Variants in ZNF23 observed in about 807,000 individuals in gnomAD.
The protein encoded by ZNF23 is kruppel-like zinc finger factor X31.
Under a neutral mutation model 56.2 loss-of-function variants are expected in ZNF23, and 48 were observed. That is an observed-to-expected ratio of 0.85 (90% CI 0.68 to 1.09). ZNF23 has a LOEUF of 1.09. Ranked by LOEUF, ZNF23 falls within the 50% of genes least tolerant of loss-of-function variation. The pLI, the probability that ZNF23 is intolerant of heterozygous loss-of-function variation, is 0.00. For missense variants in ZNF23, 805 were observed against 811.4 expected, an observed-to-expected ratio of 0.99 and a Z score of 0.10; for synonymous variants, 266 against 283.3, an observed-to-expected ratio of 0.94 and a Z score of 0.61.
At chr16:71,459,687 A>C (rs1462190704) in intron 1 of ZNF23, among the ~76,000 whole-genome samples, 2 of 152,216 alleles carry the variant, frequency 1.3e-5, no homozygotes, top group Non-Finnish European at 2.9e-5. Flanking sequence ...TTTTATAGTC[A>C]GTCAGCAATT....
At chr16:71,453,731 G>C (rs2043131638) in intron 3 of ZNF23, 3 of 529,966 alleles carry the variant, frequency 5.7e-6, no homozygotes, top group Non-Finnish European at 1.0e-5. Context: ...AAAGACTCAA[G>C]ACAGGTAAGA....
Position 71,449,742 on chromosome 16 carries a change from C to A in ZNF23, c.412G>T (p.Ala138Ser). ...CTCTTCTCCTTCTTTATATTTCCTG[C>A]TGAGTGGACTTCCTGTTGTTTCTCT... ...LLEKQQEVHSAGNIKKEKSNT... is the reference protein window; with the variant it reads ...LLEKQQEVHSSGNIKKEKSNT... Residue 138 changes from alanine to serine, a missense_variant, in exon 5 of 5, where the codon GCA becomes TCA. By Grantham distance (99) the Ala-to-Ser change is moderately conservative. Transcript: ENST00000647773. 1 of 1,614,058 alleles carries A rather than the reference C, an allele frequency of 6.2e-7. No individual in the cohort carries two copies. The highest frequency in any genetic ancestry group is 8.5e-7 in the Non-Finnish European group (1 of 1,180,028).
rs568549701 is a variant in ZNF23, at chr16:71,448,233, T to C, written c.1921A>G (p.Ser641Gly). The C allele has an allele frequency of 8.7e-6, 14 of 1,614,270 alleles. No individual in the cohort carries two copies. The Admixed American group carries it at 1.5e-4, about 17-fold the overall frequency. The change falls in exon 5 of 5, where the codon AGC becomes GGC. Residue 641 changes from serine (S) to glycine (G), a missense_variant. By Grantham distance (56) the Ser-to-Gly change is moderately conservative. Transcript: ENST00000647773. Reference protein sequence around the residue: ...FRCVECGKGFSFSSDYIIHQT... With the variant: ...FRCVECGKGFGFSSDYIIHQT... ...TGTATAATGTAGTCAGAACTAAAGCTGAAGCCTTTGCCACATTCCACACAT... is the reference window on the plus strand; with the variant it reads ...TGTATAATGTAGTCAGAACTAAAGCCGAAGCCTTTGCCACATTCCACACAT...
At chr16:71,458,726 G>A (rs1000411217) in intron 1 of ZNF23, among the ~76,000 whole-genome samples, 3 of 152,142 alleles carry the variant, frequency 2.0e-5, no homozygotes, top group African/African-American at 7.2e-5. Context: ...ACAACGAGAG[G>A]GCTACTATCT....
intron 2 of ZNF23, among the ~76,000 whole-genome samples, chr16:71,455,507 C>T (rs1416224694): frequency 1.3e-5 from 2 of 152,142 alleles, no homozygotes; most frequent in Non-Finnish European, 2.9e-5. Flanking sequence ...TAGGCATGCA[C>T]CATAAAACCC....
intron 2 of ZNF23, among the ~76,000 whole-genome samples, chr16:71,455,734 G>A (rs1448735218): frequency 1.3e-5 from 2 of 152,084 alleles, no homozygotes; most frequent in African/African-American, 4.8e-5. Flanking sequence ...CCCATGTCAC[G>A]GGACCAGTGG....
intron 1 of ZNF23, among the ~76,000 whole-genome samples, 169 bp from the exon 2 acceptor site, chr16:71,456,997 C>G (rs1033749178): frequency 6.6e-6 from 1 of 152,134 alleles, no homozygotes; most frequent in Non-Finnish European, 1.5e-5. Context: ...GCCTAGGACT[C>G]CAGGCTATGA....
At chr16:71,458,097 C>A (rs901438902) in intron 1 of ZNF23, among the ~76,000 whole-genome samples, 2 of 152,154 alleles carry the variant, frequency 1.3e-5, no homozygotes, top group Non-Finnish European at 1.5e-5. Flanking sequence ...GGAAGCTGAG[C>A]TGGAAGTTAG....
chr16:71,456,926 T>A (rs967863053), intron 1 of ZNF23, 98 bp from the exon 2 acceptor site: 4 of 319,816 alleles, frequency 1.3e-5, no homozygotes, highest in Non-Finnish European at 1.8e-5. Flanking sequence ...GCAGCTTGCA[T>A]CCAAATAGGA....
Position 71,449,501 on chromosome 16 carries a change from TCTA to T in ZNF23, c.650_652del (p.Val217del), listed in dbSNP as rs781683866. 61 of 1,614,102 alleles carry T rather than the reference TCTA, an allele frequency of 3.8e-5. No individual in the cohort carries two copies. The highest frequency in any genetic ancestry group is 5.0e-5 in the Non-Finnish European group (59 of 1,180,054). On this transcript the variant is annotated inframe_deletion, in exon 5 of 5. Coordinates refer to ENST00000647773, the MANE Select transcript of ZNF23 (RefSeq NM_001381984.1). ...AAGTTGAGAGTCACACCTAAAGGGC[TCTA>T]CTAATTCTTCACATTTGAAAGGTCT... is the stretch of plus-strand genomic sequence containing the variant.
chr16:71,449,465 T>G lies in ZNF23; in HGVS notation c.689A>C (p.Gln230Pro). The G allele has an allele frequency of 6.2e-7, 1 of 1,614,224 alleles. No individual in the cohort carries two copies. The highest frequency in any genetic ancestry group is 8.5e-7 in the Non-Finnish European group (1 of 1,180,032). Residue 230 changes from glutamine to proline, a missense_variant, in exon 5 of 5, where the codon CAA becomes CCA. Physicochemically the swap from Gln to Pro is moderately conservative, Grantham distance 76. Coordinates refer to ENST00000647773, the MANE Select transcript of ZNF23 (RefSeq NM_001381984.1). ...FRCDSQLIQH[Q>P]ENNTEEKPYQ... Reference sequence around the variant, plus strand: ...AGGCTTTTCCTCAGTGTTGTTCTCTTGATGTTGAATAAGTTGAGAGTCACA... The same window carrying G: ...AGGCTTTTCCTCAGTGTTGTTCTCTGGATGTTGAATAAGTTGAGAGTCACA...
intron 4 of ZNF23, chr16:71,452,316 T>C (rs1222030494): frequency 1.3e-5 from 2 of 149,898 alleles, no homozygotes; most frequent in Admixed American, 1.3e-4. Context: ...AGAAACCATC[T>C]AAGAAAAATG....
chr16:71,455,832 C>T (rs894290027), intron 2 of ZNF23, among the ~76,000 whole-genome samples: 2 of 152,202 alleles, frequency 1.3e-5, no homozygotes, highest in Non-Finnish European at 2.9e-5. Context: ...AAGTTAACAT[C>T]ACTGGTTCCA....
In ZNF23 at chr16:71,454,935, C is replaced by T. The variant is rs554508217; in HGVS notation, c.34-767G>A. 2.9e-4 allele frequency among the ~76,000 whole-genome samples: 44 copies of T among 152,308 alleles called. 2 individuals are homozygous for T. In the South Asian group the frequency reaches 8.7e-3, roughly 30 times the overall value. ...ACTCAGGGACGCTTCGTGTCACTCC[C>T]AGGCCCAACCACCCCTCCTGGGCAG... On this transcript the variant is annotated intron_variant, in intron 2 of 4. Coordinates refer to ENST00000647773, the MANE Select transcript of ZNF23 (RefSeq NM_001381984.1).
chr16:71,459,283 T>C (rs552493592), intron 1 of ZNF23, among the ~76,000 whole-genome samples: 3 of 152,276 alleles, frequency 2.0e-5, no homozygotes, highest in East Asian at 3.9e-4. Flanking sequence ...AACCAATGGA[T>C]AAATGTTTTC....
intron 3 of ZNF23, 42 bp from the exon 4 acceptor site, chr16:71,453,392 T>G: frequency 7.0e-7 from 1 of 1,419,762 alleles, no homozygotes; most frequent in Non-Finnish European, 9.7e-7. Context: ...ATGAATAAAC[T>G]CCCACAGACA....
chr16:71,448,038 G>T lies in ZNF23; in HGVS notation c.*55C>A. On this transcript the variant is annotated 3_prime_UTR_variant, in exon 5 of 5. Transcript: ENST00000647773. ...AGGTTTTTCAATGGATGAATCTGATGATACTTGATCCATTTTGGCATTAAC... is the reference window on the plus strand; with the variant it reads ...AGGTTTTTCAATGGATGAATCTGATTATACTTGATCCATTTTGGCATTAAC... The T allele has an allele frequency of 7.1e-7, 1 of 1,406,310 alleles. No individual in the cohort carries two copies. The highest frequency in any genetic ancestry group is 1.4e-5 in the South Asian group (1 of 69,864). 87.1% of individuals were successfully genotyped at this position (1,406,310 alleles called of 1,614,324 possible). A position where few individuals can be genotyped will look rare whatever the true frequency, so the allele number is the denominator to read the frequency against.
intron 2 of ZNF23, among the ~76,000 whole-genome samples, chr16:71,455,734 G>C (rs1448735218): frequency 2.0e-5 from 3 of 152,084 alleles, no homozygotes; most frequent in African/African-American, 7.2e-5. Flanking sequence ...CCCATGTCAC[G>C]GGACCAGTGG....
intron 4 of ZNF23, chr16:71,450,116 T>A (rs2043003368): frequency 2.7e-6 from 1 of 372,692 alleles, no homozygotes. Flanking sequence ...TACAATCAAA[T>A]GGAAAAACAA....
Sources: allele counts gnomAD v4.1 joint callset (sites outside exome capture counted in the v4.1 genomes callset), GRCh38; gene constraint gnomAD v4.1.1; transcripts MANE v1.5; gene names NCBI Gene and HGNC (gene_info 2026-07-23, HGNC 2026-07-21).